Variants in PPP6R2 observed in about 807,000 individuals in gnomAD.
PPP6R2 encodes protein phosphatase 6 regulatory subunit 2.
Under a neutral mutation model 100.2 loss-of-function variants are expected in PPP6R2, and 62 were observed. The observed-to-expected ratio is 0.62, with a 90% CI of 0.50 to 0.76. PPP6R2 has a LOEUF of 0.76. Ranked by LOEUF, PPP6R2 falls within the 30% of genes least tolerant of loss-of-function variation. The probability of loss-of-function intolerance (pLI) is 0.00; values close to 1 mark genes in which losing one functional copy is unlikely to be tolerated. For synonymous variants in PPP6R2, 525 were observed against 514.7 expected, an observed-to-expected ratio of 1.02 and a Z score of -0.27; for missense variants, 1,142 against 1,276.3, an observed-to-expected ratio of 0.89 and a Z score of 1.60.
intron 10 of PPP6R2, among the ~76,000 whole-genome samples, chr22:50,425,808 G>T (rs1385168940): frequency 6.6e-6 from 1 of 151,860 alleles, no homozygotes; most frequent in East Asian, 1.9e-4. Flanking sequence ...GTGCTTTTTG[G>T]CCATGTGAAT....
chr22:50,366,523 C>T (rs28851034), intron 1 of PPP6R2, among the ~76,000 whole-genome samples: 2 of 152,118 alleles, frequency 1.3e-5, no homozygotes, highest in South Asian at 2.1e-4. Flanking sequence ...AGGCTGGTCT[C>T]GAACTCCTGA....
intron 23 of PPP6R2, 38 bp downstream of exon 23, chr22:50,444,155 G>A: frequency 6.2e-7 from 1 of 1,612,206 alleles, no homozygotes. Context: ...GGTGTGGACA[G>A]GGCCCGCAGC....
intron 1 of PPP6R2, among the ~76,000 whole-genome samples, chr22:50,359,079 A>G (rs2047237640): frequency 7.1e-6 from 1 of 139,898 alleles, no homozygotes; most frequent in Non-Finnish European, 1.5e-5. Flanking sequence ...CACTCACTGC[A>G]ACCTCCACCT....
intron 8 of PPP6R2, 110 bp from the exon 9 acceptor site, chr22:50,422,144 T>C (rs12163227): frequency 0.11 from 160,388 of 1,419,748 alleles, 12,031 homozygotes; most frequent in East Asian, 0.38. Context: ...GGGTTTCTTT[T>C]TGGGAAAGTT....
rs2064737637 is a variant in PPP6R2, at chr22:50,437,936, T to G, written c.1839+36T>G. 5.8e-6 allele frequency: 9 copies of G among 1,560,608 alleles called. No individual in the cohort carries two copies. The African/African-American group carries it at 6.8e-5, about 12-fold the overall frequency. On this transcript the variant is annotated intron_variant, in intron 17 of 23. Transcript: ENST00000612753. ...CGGGCTGTGTGGGGTGCCGCCACCC[T>G]TTTCCCAGGCAGCTCAGGCCATGCC...
At chr22:50,359,693 G>A (rs1409658344) in intron 1 of PPP6R2, among the ~76,000 whole-genome samples, 2 of 152,134 alleles carry the variant, frequency 1.3e-5, no homozygotes, top group Admixed American at 1.3e-4. Flanking sequence ...CTGTGGTATG[G>A]TGTAGAATCC....
At position 50,443,994 on chromosome 22, in the gene PPP6R2, GCCCCGC is replaced by G. The variant is rs2066481920; in HGVS notation, c.2710_2715del (p.Pro904_Ala905del). ...ATCACCACAGCACTGAGCAAGGCTGGCCCCGCCATACCCACCCCAGCAGTCTCTTCT... is the reference window on the plus strand; with the variant it reads ...ATCACCACAGCACTGAGCAAGGCTGGCATACCCACCCCAGCAGTCTCTTCT... On this transcript the variant is annotated inframe_deletion, in exon 23 of 24. Transcript: ENST00000612753. 6.2e-7 allele frequency: 1 copy of G among 1,612,472 alleles called. No individual in the cohort carries two copies. Among genetic ancestry groups the G allele is most frequent in the Admixed American group, 1.7e-5 (1 of 59,930 alleles).
chr22:50,382,167 T>G (rs2053212278), intron 2 of PPP6R2, among the ~76,000 whole-genome samples: 1 of 151,964 alleles, frequency 6.6e-6, no homozygotes, highest in African/African-American at 2.4e-5. Flanking sequence ...ATAAAAGAAT[T>G]TAAAAGGAAG....
upstream of PPP6R2, among the ~76,000 whole-genome samples, chr22:50,338,578 GGTGT>G (rs1260548021): frequency 6.7e-5 from 9 of 134,744 alleles, no homozygotes; most frequent in East Asian, 1.4e-3. Flanking sequence ...TGTTTGGTGT[GGTGT>G]GTGTTTGTGG....
chr22:50,355,230 T>C (rs957442034), intron 1 of PPP6R2, among the ~76,000 whole-genome samples: 10 of 135,988 alleles, frequency 7.4e-5, no homozygotes, highest in South Asian at 4.5e-4. Flanking sequence ...AGCAGCCTTC[T>C]TTTTTTTTTT....
intron 8 of PPP6R2, among the ~76,000 whole-genome samples, 194 bp downstream of exon 8, chr22:50,419,656 C>G (rs1348601913): frequency 1.3e-5 from 2 of 152,232 alleles, no homozygotes; most frequent in African/African-American, 4.8e-5. Flanking sequence ...CTCATCATCA[C>G]TGGTGCTCCC....
intron 19 of PPP6R2, 42 bp from the exon 20 acceptor site, chr22:50,439,659 C>G: frequency 6.7e-7 from 1 of 1,499,816 alleles, no homozygotes; most frequent in Non-Finnish European, 8.9e-7. Flanking sequence ...TGCAGCACCC[C>G]AGGCCTGCCC....
At chr22:50,413,834 G>C (rs78185924) in intron 4 of PPP6R2, among the ~76,000 whole-genome samples, 1 of 152,032 alleles carries the variant, frequency 6.6e-6, no homozygotes. Flanking sequence ...CCAGCCCCCA[G>C]CCCAGTAGCC....
intron 1 of PPP6R2, among the ~76,000 whole-genome samples, chr22:50,362,927 A>C (rs2048072004): frequency 6.6e-6 from 1 of 152,172 alleles, no homozygotes. Context: ...TAAGCATACG[A>C]AGACACCGGG....
intron 22 of PPP6R2, chr22:50,443,164 A>C (rs1445917180): frequency 6.6e-6 from 1 of 152,232 alleles, no homozygotes; most frequent in Non-Finnish European, 1.5e-5. Context: ...CAAAACCAAA[A>C]CAAACCTTTA....
At chr22:50,405,170 A>C (rs1453101240) in intron 3 of PPP6R2, among the ~76,000 whole-genome samples, 1 of 152,188 alleles carries the variant, frequency 6.6e-6, no homozygotes, top group East Asian at 1.9e-4. Flanking sequence ...GAAGGAAAGG[A>C]GAGGCTCAGT....
At chr22:50,384,293 C>T (rs990964326) in intron 2 of PPP6R2, among the ~76,000 whole-genome samples, 16 of 152,004 alleles carry the variant, frequency 1.1e-4, no homozygotes, top group South Asian at 2.1e-4. Flanking sequence ...TAGTGGCTCA[C>T]GCCTGTAATC....
At chr22:50,397,667 A>G (rs2057246055) in intron 3 of PPP6R2, among the ~76,000 whole-genome samples, 1 of 94,124 alleles carries the variant, frequency 1.1e-5, no homozygotes, top group Admixed American at 1.1e-4. Flanking sequence ...TTCTCTGAGG[A>G]GTGTGACTTG....
Position 50,438,096 on chromosome 22 carries a change from TC to T in PPP6R2, c.1840-77del, listed in dbSNP as rs1443099706. ...GCTCCCACATCCCGAACTAAGCCCC[TC>T]TGGGAGCTCTATGGGGAGAGCGGCT... is the stretch of plus-strand genomic sequence containing the variant. On this transcript the variant is annotated intron_variant, in intron 17 of 23. Transcript: ENST00000612753. The T allele has an allele frequency of 5.8e-6, 9 of 1,547,824 alleles. No homozygotes were observed. In the East Asian group the frequency reaches 1.8e-4, roughly 31 times the overall value.
Sources: allele counts gnomAD v4.1 joint callset (sites outside exome capture counted in the v4.1 genomes callset), GRCh38; gene constraint gnomAD v4.1.1; transcripts MANE v1.5; gene names NCBI Gene and HGNC (gene_info 2026-07-23, HGNC 2026-07-21).